The following MAPK10 variants were observed in gnomAD, a reference collection of about 807,000 sequenced individuals.
MAPK10 encodes the protein JNK3 alpha protein kinase.
A neutral mutation model predicts 59.3 loss-of-function variants in MAPK10; 25 were observed. The ratio of observed to expected loss-of-function variants is 0.42; its 90% CI spans 0.31 to 0.59. MAPK10 has a LOEUF of 0.59. Among genes scored for constraint, MAPK10 ranks in the 20% least tolerant of loss-of-function variants. MAPK10 has a pLI of 0.15. For synonymous variants in MAPK10, 190 were observed against 200.5 expected, an observed-to-expected ratio of 0.95 and a Z score of 0.44; for missense variants, 351 against 568.9, an observed-to-expected ratio of 0.62 and a Z score of 3.90.
rs1036418422 is a variant in MAPK10, at chr4:86,011,192, T to C, written c.*6036A>G. 4.6e-5 allele frequency: 7 copies of C among 152,238 alleles called. No individual in the cohort carries two copies. The highest frequency in any genetic ancestry group is 1.7e-4 in the African/African-American group (7 of 41,460). 9.4% of individuals were successfully genotyped at this position (152,238 alleles called of 1,614,324 possible). A position where few individuals can be genotyped will look rare whatever the true frequency, so the allele number is the denominator to read the frequency against. On this transcript the variant is annotated 3_prime_UTR_variant, in exon 14 of 14. Coordinates refer to ENST00000641462, the MANE Select transcript of MAPK10 (RefSeq NM_138982.4). Reference sequence around the variant, plus strand: ...AACAGACTACAATGATGTAAATGGTTGAACAGTTGAAATTTAGTCTGGAAC... The same window carrying C: ...AACAGACTACAATGATGTAAATGGTCGAACAGTTGAAATTTAGTCTGGAAC...
At chr4:86,272,832 G>A (rs1296023483) in intron 2 of MAPK10, among the ~76,000 whole-genome samples, 1 of 152,024 alleles carries the variant, frequency 6.6e-6, no homozygotes, top group East Asian at 1.9e-4. Flanking sequence ...CACACATCCT[G>A]GAGTCTGCAT....
At chr4:86,367,079 C>T (rs1376218210) in intron 1 of MAPK10, among the ~76,000 whole-genome samples, 1 of 152,102 alleles carries the variant, frequency 6.6e-6, no homozygotes, top group African/African-American at 2.4e-5. Context: ...AGAAAGAAGT[C>T]ATGAGTTCCT....
At chr4:86,521,778 G>A (rs74512165) in intron 1 of MAPK10, among the ~76,000 whole-genome samples, 7,664 of 152,046 alleles carry the variant, frequency 0.05, 253 homozygotes, top group African/African-American at 0.071. Context: ...GCCTGCCCAC[G>A]CCATCAGCTG....
intron 9 of MAPK10, among the ~76,000 whole-genome samples, chr4:86,076,230 C>A (rs1377488692): frequency 6.6e-6 from 1 of 152,208 alleles, no homozygotes; most frequent in African/African-American, 2.4e-5. Context: ...CCAGGTGAGG[C>A]AATGCCTCGC....
chr4:86,062,040 C>T (rs2045858005), intron 11 of MAPK10, among the ~76,000 whole-genome samples: 1 of 152,168 alleles, frequency 6.6e-6, no homozygotes, highest in South Asian at 2.1e-4. Context: ...TAGCTGACTA[C>T]TGATTCTAGC....
chr4:86,382,701 G>A (rs1740927837), intron 1 of MAPK10, among the ~76,000 whole-genome samples: 2 of 152,300 alleles, frequency 1.3e-5, no homozygotes, highest in Middle Eastern at 3.4e-3. Context: ...ATTTCTTTGA[G>A]AGTATGATCT....
chr4:86,422,986 C>T (rs748462645), intron 1 of MAPK10, among the ~76,000 whole-genome samples: 54 of 152,180 alleles, frequency 3.5e-4, no homozygotes, highest in Non-Finnish European at 7.1e-4. Flanking sequence ...TTTATTTTCT[C>T]ATTAGCTTTA....
At chr4:86,510,943 A>C (rs1352373895) in intron 1 of MAPK10, among the ~76,000 whole-genome samples, 2 of 152,182 alleles carry the variant, frequency 1.3e-5, no homozygotes, top group Non-Finnish European at 1.5e-5. Flanking sequence ...AGTTAGATAG[A>C]AGGAATAAGT....
rs536031055 is a variant in MAPK10, at chr4:86,584,229, G to T, written c.-263+9681C>A. ...CCCAGCTCTAGCTCTTTGGTAGGCAGTTTGGGAATCACTGAGAGACAATCC... is the reference window on the plus strand; with the variant it reads ...CCCAGCTCTAGCTCTTTGGTAGGCATTTTGGGAATCACTGAGAGACAATCC... On this transcript the variant is annotated intron_variant, in intron 1 of 4. Coordinates refer to the MAPK10 transcript ENST00000502302. 2.6e-5 allele frequency among the ~76,000 whole-genome samples: 4 copies of T among 152,272 alleles called. No homozygotes were observed. In the South Asian group the frequency reaches 8.3e-4, roughly 32 times the overall value.
intron 3 of MAPK10, among the ~76,000 whole-genome samples, chr4:86,166,350 A>G (rs2071718563): frequency 6.6e-6 from 1 of 152,172 alleles, no homozygotes. Context: ...GCAATAATCT[A>G]CTTTTTATTA....
intron 1 of MAPK10, among the ~76,000 whole-genome samples, chr4:86,576,277 G>A (rs1039516292): frequency 1.3e-5 from 2 of 152,034 alleles, no homozygotes; most frequent in Admixed American, 1.3e-4. Flanking sequence ...AGAAAATGAG[G>A]GGGGAAGACA....
intron 2 of MAPK10, among the ~76,000 whole-genome samples, chr4:86,218,587 A>AC (rs1554102921): frequency 1.2e-4 from 17 of 143,068 alleles, no homozygotes; most frequent in Middle Eastern, 3.4e-3. Flanking sequence ...AAAAAAAAAA[A>AC]CACTTTGGGC....
At chr4:86,275,713 C>T (rs773183061) in intron 2 of MAPK10, among the ~76,000 whole-genome samples, 14 of 151,998 alleles carry the variant, frequency 9.2e-5, no homozygotes, top group Non-Finnish European at 1.8e-4. Context: ...TAGAAGCATA[C>T]AACCAATAAT....
upstream of MAPK10, among the ~76,000 whole-genome samples, chr4:86,455,323 C>T (rs1365924929): frequency 1.3e-5 from 2 of 152,050 alleles, no homozygotes; most frequent in Non-Finnish European, 2.9e-5. Context: ...CCTAAATGCA[C>T]CATCTAAAAG....
rs1743083085 is a variant in MAPK10 at position 86,015,758 on chromosome 4, C to T, written c.*1470G>A. ...TTTATGGGCAGAGTTATTGCTCTTACATCTACTGCAGTACAAAACTCAGAT... is the reference window on the plus strand; with the variant it reads ...TTTATGGGCAGAGTTATTGCTCTTATATCTACTGCAGTACAAAACTCAGAT... On this transcript the variant is annotated 3_prime_UTR_variant, in exon 14 of 14. Transcript: ENST00000641462. 1 of 152,186 alleles carries T rather than the reference C, an allele frequency of 6.6e-6. No individual in the cohort carries two copies. The highest frequency in any genetic ancestry group is 1.5e-5 in the Non-Finnish European group (1 of 68,030). 9.4% of individuals were successfully genotyped at this position (152,186 alleles called of 1,614,324 possible). A position where few individuals can be genotyped will look rare whatever the true frequency, so the allele number is the denominator to read the frequency against.
intron 1 of MAPK10, among the ~76,000 whole-genome samples, chr4:86,444,274 G>C (rs534646601): frequency 6.6e-6 from 1 of 152,010 alleles, no homozygotes; most frequent in African/African-American, 2.4e-5. Context: ...TACAAAAATC[G>C]TATTCAAATG....
intron 2 of MAPK10, among the ~76,000 whole-genome samples, chr4:86,315,566 A>G (rs2095765394): frequency 6.6e-6 from 1 of 152,142 alleles, no homozygotes; most frequent in South Asian, 2.1e-4. Flanking sequence ...ATTAAAAAAT[A>G]TTTAAATGCA....
intron 1 of MAPK10, among the ~76,000 whole-genome samples, chr4:86,523,170 C>A (rs984533098): frequency 2.6e-5 from 4 of 151,904 alleles, no homozygotes; most frequent in Admixed American, 2.6e-4. Context: ...ATAGGTATAT[C>A]TCTAGCTATT....
At chr4:86,107,772 G>T (rs1419240544) in intron 4 of MAPK10, 2 of 404,000 alleles carry the variant, frequency 5.0e-6, no homozygotes, top group East Asian at 1.6e-4. Flanking sequence ...GTTAATATAT[G>T]ATATTTAATT....
Sources: gnomAD v4.1 joint callset for allele counts (sites outside exome capture counted in the v4.1 genomes callset) on GRCh38, gnomAD v4.1.1 for gene constraint, MANE v1.5 for transcripts, NCBI Gene and HGNC (gene_info 2026-07-23, HGNC 2026-07-21) for gene names.